SPPL2B: variants seen among roughly 807,000 people sequenced by gnomAD.
SPPL2B encodes the protein signal peptide peptidase-like 2B.
SPPL2B carries 39 observed loss-of-function variants against 59.7 expected under a neutral mutation model. That is an observed-to-expected ratio of 0.65 (90% CI 0.51 to 0.85). The LOEUF (loss-of-function observed/expected upper bound fraction) is 0.85. Among genes scored for constraint, SPPL2B ranks in the 40% least tolerant of loss-of-function variants. SPPL2B has a pLI of 0.00. For missense variants in SPPL2B, 865 were observed against 849.0 expected (o/e 1.02, Z -0.23); for synonymous variants, 419 against 370.8 (o/e 1.13, Z -1.49).
chr19:2,351,124 G>A (rs1161284630), intron 13 of SPPL2B, among the ~76,000 whole-genome samples: 1 of 152,140 alleles, frequency 6.6e-6, no homozygotes, highest in Non-Finnish European at 1.5e-5. Flanking sequence ...CCGCTATCAC[G>A]TCTGCCTCCC....
intron 13 of SPPL2B, 99 bp downstream of exon 13, chr19:2,345,429 C>G: frequency 1.0e-6 from 1 of 995,184 alleles, no homozygotes; most frequent in Non-Finnish European, 1.6e-6. Flanking sequence ...AACCCCAACC[C>G]TAACCCTAAT....
intron 13 of SPPL2B, among the ~76,000 whole-genome samples, chr19:2,350,543 G>T (rs1226483089): frequency 6.6e-6 from 1 of 152,178 alleles, no homozygotes; most frequent in Non-Finnish European, 1.5e-5. Context: ...CCCGTGTACT[G>T]CAGTTGGCCC....
Position 2,354,167 on chromosome 19 carries a change from C to T in SPPL2B, c.*958C>T, listed in dbSNP as rs568832818. The T allele has an allele frequency of 6.0e-4, 92 of 152,370 alleles. 1 individual carries two copies. In the South Asian group the frequency reaches 0.011, roughly 17 times the overall value. The allele number at this position is 152,370 out of a possible 1,614,324, so 9.4% of individuals were successfully genotyped here. On this transcript the variant is annotated 3_prime_UTR_variant, in exon 15 of 15. Coordinates refer to ENST00000613503, the MANE Select transcript of SPPL2B (RefSeq NM_152988.3). Reference sequence around the variant, plus strand: ...TGGGCCTCGGTTCTCCCTGTGGCAGCGGCATTGGTGCCTGGGTTCTTAACC... The same window carrying T: ...TGGGCCTCGGTTCTCCCTGTGGCAGTGGCATTGGTGCCTGGGTTCTTAACC...
At position 2,332,447 on chromosome 19, in the gene SPPL2B, G is replaced by A. The variant is rs1020705556; in HGVS notation, c.67-2155G>A. ...AGCTTGGCAGAGCTGCGTCTGCACT[G>A]TTTTCCCTTGTGGCGTTGTGGTGTC... On this transcript the variant is annotated intron_variant, in intron 1 of 14. Transcript: ENST00000613503. The surrounding 1 kb of genome is among the most constrained non-coding windows in gnomAD (Gnocchi z 4.6). Among the ~76,000 whole-genome samples the A allele has an allele frequency of 6.6e-6, 1 of 152,358 alleles. No homozygotes were observed. The highest frequency in any genetic ancestry group is 3.4e-3 in the Middle Eastern group (1 of 294).
At chr19:2,352,673 C>T (rs535296100) in intron 14 of SPPL2B, among the ~76,000 whole-genome samples, 12 of 152,148 alleles carry the variant, frequency 7.9e-5, no homozygotes, top group East Asian at 1.9e-4. Context: ...GGGCGAGAGA[C>T]GGTAGTCCAG....
chr19:2,339,042 C>A (rs1198381313), intron 4 of SPPL2B, 27 bp from the exon 5 acceptor site: 7 of 1,538,422 alleles, frequency 4.6e-6, no homozygotes, highest in Non-Finnish European at 6.1e-6. Context: ...GCTCTGACGC[C>A]TGCCTCCGGT....
At chr19:2,339,030 T>C (rs916115182) in intron 4 of SPPL2B, 39 bp from the exon 5 acceptor site, 38 of 1,533,704 alleles carry the variant, frequency 2.5e-5, no homozygotes, top group Non-Finnish European at 3.3e-5. Flanking sequence ...GGCTGGCGGG[T>C]GGCTCTGACG....
At chr19:2,343,469 C>T (rs966782777) in intron 9 of SPPL2B, among the ~76,000 whole-genome samples, 177 bp downstream of exon 9, 16 of 152,138 alleles carry the variant, frequency 1.1e-4, no homozygotes, top group Admixed American at 4.6e-4. Flanking sequence ...CCAAAGCCCC[C>T]GCTGAGGCGG....
At chr19:2,337,740 C>CTCCCCACAGATGG in intron 3 of SPPL2B, 115 bp downstream of exon 3, 5 of 1,088,964 alleles carry the variant, frequency 4.6e-6, no homozygotes, top group Non-Finnish European at 6.3e-6. Flanking sequence ...AAGGCAGATC[C>CTCCCCACAGATGG]ATCTGTGGGG....
Position 2,334,625 on chromosome 19 carries a change from G to A in SPPL2B, c.90G>A (p.Val30=). ...AGGTGGCCTGTGAGTACGGCATGGTGCACGTGGTCTCCCAGGCCGGGGGCC... is the reference window on the plus strand; with the variant it reads ...AGGTGGCCTGTGAGTACGGCATGGTACACGTGGTCTCCCAGGCCGGGGGCC... ...AAQVACEYGM[V]HVVSQAGGPE... The change falls in exon 2 of 15, where the codon GTG becomes GTA. Residue 30 remains valine (V), a synonymous_variant. Coordinates refer to ENST00000613503, the MANE Select transcript of SPPL2B (RefSeq NM_152988.3). 6.2e-7 allele frequency: 1 copy of A among 1,612,732 alleles called. No individual in the cohort carries two copies. Among genetic ancestry groups the A allele is most frequent in the Non-Finnish European group, 8.5e-7 (1 of 1,179,474 alleles).
At chr19:2,350,579 G>A (rs1969872096) in intron 13 of SPPL2B, among the ~76,000 whole-genome samples, 1 of 152,266 alleles carries the variant, frequency 6.6e-6, no homozygotes, top group African/African-American at 2.4e-5. Flanking sequence ...TCCTGCAGCT[G>A]TGGATTTCAC....
intron 12 of SPPL2B, 70 bp downstream of exon 12, chr19:2,344,722 T>G: frequency 7.5e-6 from 7 of 932,404 alleles, no homozygotes; most frequent in Non-Finnish European, 1.2e-5. Context: ...GGTTTGCCTT[T>G]GGGAGTGAGT....
intron 13 of SPPL2B, among the ~76,000 whole-genome samples, chr19:2,347,298 TCTC>T (rs1414586428): frequency 9.0e-6 from 1 of 111,098 alleles, no homozygotes; most frequent in South Asian, 3.7e-4. Context: ...CTGATTCCGT[TCTC>T]CTTCTCTCCA....
Position 2,344,414 on chromosome 19 carries a change from C to T in SPPL2B, c.1166C>T (p.Thr389Ile), listed in dbSNP as rs756802364. 78 of 1,570,028 alleles carry T rather than the reference C, an allele frequency of 5.0e-5. No individual in the cohort carries two copies. The highest frequency in any genetic ancestry group is 5.8e-5 in the Non-Finnish European group (67 of 1,158,242). ...GCCACTGGGCCCTCGGACTCAGCCA[C>T]CCGTGAGAAGGTGTGTCTTCTGACT... ...EVATGPSDSA[T>I]REKLPMVLKV... is the part of the protein sequence containing the mutation. The change falls in exon 11 of 15, where the codon ACC (threonine) becomes ATC (isoleucine). Residue 389 changes from threonine (T) to isoleucine (I), a missense_variant. Thr to Ile is a moderately conservative substitution (Grantham distance 89). Transcript: ENST00000613503.
chr19:2,352,962 C>T lies in SPPL2B; in HGVS notation c.1532C>T (p.Ser511Phe), dbSNP rs905148600. 1.2e-6 allele frequency: 2 copies of T among 1,612,182 alleles called. No homozygotes were observed. Among genetic ancestry groups the T allele is most frequent in the Non-Finnish European group, 1.7e-6 (2 of 1,179,692 alleles). ...GSGFAKVLPP[S>F]PWAPAPADGP... ...CTCCTGTAGAAAGTCCTACCTCCATCTCCGTGGGCCCCAGCACCAGCCGAC... is the reference window on the plus strand; with the variant it reads ...CTCCTGTAGAAAGTCCTACCTCCATTTCCGTGGGCCCCAGCACCAGCCGAC... Residue 511 changes from serine (S) to phenylalanine (F), a missense_variant, in exon 15 of 15, where the codon TCT becomes TTT. Ser to Phe is a radical substitution (Grantham distance 155). Coordinates refer to ENST00000613503, the MANE Select transcript of SPPL2B (RefSeq NM_152988.3).
chr19:2,351,409 G>A (rs1969915500), intron 13 of SPPL2B, 25 bp from the exon 14 acceptor site: 7 of 1,571,312 alleles, frequency 4.5e-6, no homozygotes, highest in Non-Finnish European at 5.2e-6. Flanking sequence ...GCCTGGCTGA[G>A]GTGATGCCTC....
chr19:2,343,926 G>T (rs971275526), intron 9 of SPPL2B, 39 bp from the exon 10 acceptor site: 34 of 1,508,418 alleles, frequency 2.3e-5, no homozygotes, highest in South Asian at 7.2e-5. Context: ...GGGAGGCACG[G>T]GCCGGGGTGG....
chr19:2,353,171 C>T lies in SPPL2B; in HGVS notation c.1741C>T (p.Gln581Ter), dbSNP rs541549579. 2 of 1,608,262 alleles carry T rather than the reference C, an allele frequency of 1.2e-6. No individual in the cohort carries two copies. The highest frequency in any genetic ancestry group is 2.2e-5 in the East Asian group (1 of 44,844). Residue 581 changes from glutamine (Q) to a stop codon, truncating the protein, a stop_gained, in exon 15 of 15, where the codon CAG becomes TAG. Coordinates refer to ENST00000613503, the MANE Select transcript of SPPL2B (RefSeq NM_152988.3). LOFTEE classifies it low-confidence loss of function (END_TRUNC). ...PAESEGRDQA[Q>*]PSPVTQPGAS... is the part of the protein sequence containing the mutation. ...TGAATCCGAGGGCCGGGACCAGGCC[C>T]AGCCGTCCCCGGTAACCCAGCCTGG...
chr19:2,341,625 C>T, intron 8 of SPPL2B: 1 of 455,992 alleles, frequency 2.2e-6, no homozygotes, highest in Non-Finnish European at 4.4e-6. Flanking sequence ...TCTGGCACTT[C>T]CTCCCAGCCT....
Sources: allele counts gnomAD v4.1 joint callset (sites outside exome capture counted in the v4.1 genomes callset), GRCh38; gene constraint gnomAD v4.1.1; non-coding constraint Gnocchi (gnomAD v3.1); transcripts MANE v1.5; gene names NCBI Gene and HGNC (gene_info 2026-07-23, HGNC 2026-07-21).